Variants in TMEM132B observed in about 807,000 individuals in gnomAD.
The protein encoded by TMEM132B is transmembrane protein 132B.
A neutral mutation model predicts 90.8 loss-of-function variants in TMEM132B; 18 were observed. That is an observed-to-expected ratio of 0.20 (90% CI 0.14 to 0.29). TMEM132B has a LOEUF of 0.29. Ranked by LOEUF, TMEM132B falls within the 10% of genes least tolerant of loss-of-function variation. TMEM132B has a pLI of 1.00. For missense variants in TMEM132B, 1,096 were observed against 1,326.8 expected (o/e 0.83, Z 2.70); for synonymous variants, 504 against 523.3 (o/e 0.96, Z 0.50).
At chr12:125,627,246 A>C (rs1886254446) in intron 5 of TMEM132B, among the ~76,000 whole-genome samples, 1 of 152,218 alleles carries the variant, frequency 6.6e-6, no homozygotes, top group East Asian at 1.9e-4. Context: ...TAATTATTTG[A>C]AATTTCCTGT....
rs118028887 is a variant in TMEM132B at position 125,453,983 on chromosome 12, A to G, written c.1106+38306A>G. On this transcript the variant is annotated intron_variant, in intron 3 of 8. Coordinates refer to ENST00000682704, the MANE Select transcript of TMEM132B (RefSeq NM_001366854.1). The stretch of plus-strand genomic sequence containing the variant: ...TCCTAGGAACAGGGCCAGACTCAAC[A>G]GAAGACATCTCTTGTCCTTGCTGAA... 4.2e-3 allele frequency among the ~76,000 whole-genome samples: 637 copies of G among 152,294 alleles called. 2 individuals carry two copies. Among genetic ancestry groups the G allele is most frequent in the Non-Finnish European group, 7.0e-3 (475 of 68,028 alleles).
At chr12:125,615,715 CTT>C (rs1373021038) in intron 5 of TMEM132B, among the ~76,000 whole-genome samples, 1 of 152,122 alleles carries the variant, frequency 6.6e-6, no homozygotes, top group Admixed American at 6.6e-5. Context: ...GCTTTCAACT[CTT>C]TGTTACATTG....
At chr12:125,452,946 G>T (rs749008215) in intron 3 of TMEM132B, among the ~76,000 whole-genome samples, 2 of 151,928 alleles carry the variant, frequency 1.3e-5, no homozygotes, top group East Asian at 1.9e-4. Flanking sequence ...GCCTTACGTT[G>T]TAAGTATTGC....
chr12:125,568,076 A>G lies in TMEM132B; in HGVS notation c.1294-15775A>G, dbSNP rs1319872735. On this transcript the variant is annotated intron_variant, in intron 4 of 8. Transcript: ENST00000682704. ...GCTTTCTCTGTCTCTAAGCTCCAGCACCCCATCTTTCTAACTCATCTCATT... is the reference window on the plus strand; with the variant it reads ...GCTTTCTCTGTCTCTAAGCTCCAGCGCCCCATCTTTCTAACTCATCTCATT... 2.6e-5 allele frequency among the ~76,000 whole-genome samples: 4 copies of G among 151,932 alleles called. No individual in the cohort carries two copies. In the South Asian group the frequency reaches 6.2e-4, roughly 24 times the overall value.
intron 2 of TMEM132B, among the ~76,000 whole-genome samples, chr12:125,374,770 CAGAT>C (rs1328947742): frequency 1.3e-5 from 2 of 151,688 alleles, no homozygotes; most frequent in Non-Finnish European, 2.9e-5. Flanking sequence ...TTAGAGGAAA[CAGAT>C]AGAAAAAAGA....
Position 125,654,809 on chromosome 12 carries a change from G to A in TMEM132B, c.*99G>A. ...AATAGGGGATGATTTAACAAAGTTTGATTTGTGGAGGTCTGGTGGGATTCA... is the reference window on the plus strand; with the variant it reads ...AATAGGGGATGATTTAACAAAGTTTAATTTGTGGAGGTCTGGTGGGATTCA... On this transcript the variant is annotated 3_prime_UTR_variant, in exon 9 of 9. Coordinates refer to ENST00000682704, the MANE Select transcript of TMEM132B (RefSeq NM_001366854.1). The surrounding 1 kb of genome is among the most constrained non-coding windows in gnomAD (Gnocchi z 5.8). The A allele has an allele frequency of 7.4e-7, 1 of 1,343,790 alleles. No homozygotes were observed. The highest frequency in any genetic ancestry group is 1.0e-6 in the Non-Finnish European group (1 of 981,396). The allele number at this position is 1,343,790 out of a possible 1,614,324, so 83.2% of individuals were successfully genotyped here. A position where few individuals can be genotyped will look rare whatever the true frequency, so the allele number is the denominator to read the frequency against.
At chr12:125,271,601 T>G (rs968723763) in intron 1 of TMEM132B, among the ~76,000 whole-genome samples, 2 of 152,168 alleles carry the variant, frequency 1.3e-5, no homozygotes, top group African/African-American at 4.8e-5. Flanking sequence ...CCTCTGGTGC[T>G]CTCTCTGATT....
chr12:125,205,400 A>G (rs1264715062), intron 1 of TMEM132B, among the ~76,000 whole-genome samples: 1 of 148,288 alleles, frequency 6.7e-6, no homozygotes, highest in Admixed American at 6.7e-5. Flanking sequence ...CTTTCTTAAT[A>G]TGAAATATCT....
In TMEM132B at chr12:125,380,747, G is replaced by C. The variant is rs551869608; in HGVS notation, c.959+30404G>C. 6.6e-5 allele frequency among the ~76,000 whole-genome samples: 10 copies of C among 152,198 alleles called. No individual in the cohort carries two copies. In the East Asian group the frequency reaches 7.7e-4, roughly 12 times the overall value. On this transcript the variant is annotated intron_variant, in intron 2 of 8. Transcript: ENST00000682704. ...GTAGAAGATTGGAAGCAAGAGGAAC[G>C]CAGCCCTCCCACCCATGGTGTCCAT...
intron 1 of TMEM132B, among the ~76,000 whole-genome samples, chr12:125,189,982 C>T (rs527787409): frequency 7.2e-5 from 11 of 152,208 alleles, no homozygotes; most frequent in South Asian, 4.2e-4. Context: ...ATCACTGTGG[C>T]GAGATGGAGG....
rs75114801 is a variant in TMEM132B at position 125,425,895 on chromosome 12, G to T, written c.1106+10218G>T. Reference sequence around the variant, plus strand: ...CCAAGTTTTAGCAATTATGATTAATGCTACTATAAACGTTCATATTCAGGT... The same window carrying T: ...CCAAGTTTTAGCAATTATGATTAATTCTACTATAAACGTTCATATTCAGGT... On this transcript the variant is annotated intron_variant, in intron 3 of 8. Coordinates refer to ENST00000682704, the MANE Select transcript of TMEM132B (RefSeq NM_001366854.1). Among the ~76,000 whole-genome samples the T allele has an allele frequency of 1.1e-3, 175 of 152,282 alleles. 1 individual carries two copies. The highest frequency in any genetic ancestry group is 3.7e-3 in the African/African-American group (155 of 41,546).
intron 1 of TMEM132B, among the ~76,000 whole-genome samples, chr12:125,308,434 G>C (rs1449268303): frequency 6.6e-6 from 1 of 152,010 alleles, no homozygotes; most frequent in East Asian, 1.9e-4. Flanking sequence ...CTTCCATTAT[G>C]AGCAATGCTT....
intron 5 of TMEM132B, among the ~76,000 whole-genome samples, chr12:125,589,580 A>T (rs895337233): frequency 6.6e-6 from 1 of 151,952 alleles, no homozygotes; most frequent in Non-Finnish European, 1.5e-5. Flanking sequence ...CTATACAGGA[A>T]GCATGGTTCT....
intron 1 of TMEM132B, among the ~76,000 whole-genome samples, chr12:125,200,189 T>C (rs1356229994): frequency 3.3e-5 from 5 of 152,198 alleles, no homozygotes; most frequent in Admixed American, 1.3e-4. Flanking sequence ...GTCGTTTTTC[T>C]GGGTGCCAGG....
At chr12:125,409,408 G>T (rs530532647) in intron 2 of TMEM132B, among the ~76,000 whole-genome samples, 2 of 152,328 alleles carry the variant, frequency 1.3e-5, no homozygotes, top group African/African-American at 4.8e-5. Context: ...GCCCTGTCCC[G>T]TGAGGAGGCA....
intron 4 of TMEM132B, among the ~76,000 whole-genome samples, chr12:125,523,022 C>T (rs1372462225): frequency 6.6e-6 from 1 of 152,108 alleles, no homozygotes; most frequent in Admixed American, 6.5e-5. Flanking sequence ...GCTTGTTTTG[C>T]TTGCTGGATG....
intron 1 of TMEM132B, among the ~76,000 whole-genome samples, chr12:125,321,312 G>C (rs187164431): frequency 1.2e-3 from 180 of 152,152 alleles, no homozygotes; most frequent in African/African-American, 4.2e-3. Context: ...TTAGTCATTA[G>C]GAAAAGTCAA....
rs1029154291 is a variant in TMEM132B, at chr12:125,406,234, C to T, written c.960-9297C>T. Among the ~76,000 whole-genome samples, 3 of 152,222 alleles carry T rather than the reference C, an allele frequency of 2.0e-5. No homozygotes were observed. The highest frequency in any genetic ancestry group is 4.8e-5 in the African/African-American group (2 of 41,454). On this transcript the variant is annotated intron_variant, in intron 2 of 8. Coordinates refer to ENST00000682704, the MANE Select transcript of TMEM132B (RefSeq NM_001366854.1). The surrounding 1 kb of genome is among the most constrained non-coding windows in gnomAD (Gnocchi z 8.3). The stretch of plus-strand genomic sequence containing the variant: ...TAAAGCAGAATGCAAAACTTCCCTT[C>T]CCTGGTCATACCCACACAATTTGCC...
At chr12:125,524,548 A>C (rs1883395715) in intron 4 of TMEM132B, among the ~76,000 whole-genome samples, 2 of 152,236 alleles carry the variant, frequency 1.3e-5, no homozygotes, top group African/African-American at 4.8e-5. Context: ...GTAAACTGTA[A>C]AAATCACATT....
Sources: allele counts gnomAD v4.1 joint callset (sites outside exome capture counted in the v4.1 genomes callset), GRCh38; gene constraint gnomAD v4.1.1; non-coding constraint Gnocchi (gnomAD v3.1); transcripts MANE v1.5; gene names NCBI Gene and HGNC (gene_info 2026-07-23, HGNC 2026-07-21).